Variants in DDX47 observed in about 807,000 individuals in gnomAD.
DDX47 encodes DEAD-box helicase 47.
DDX47 carries 60 observed loss-of-function variants against 58.8 expected under a neutral mutation model. The ratio of observed to expected loss-of-function variants is 1.02; its 90% CI spans 0.83 to 1.26. DDX47 has a LOEUF of 1.26. DDX47 is among the 50% of genes most tolerant of loss of function. DDX47 has a pLI of 0.00. For missense variants in DDX47, 530 were observed against 573.2 expected (o/e 0.92, Z 0.77); for synonymous variants, 197 against 204.6 (o/e 0.96, Z 0.32).
chr12:12,829,821 T>C lies in DDX47; in HGVS notation c.*267T>C. 3.7e-6 allele frequency: 1 copy of C among 270,024 alleles called. No homozygotes were observed. Among genetic ancestry groups the C allele is most frequent in the Non-Finnish European group, 6.9e-6 (1 of 145,292 alleles). 16.7% of individuals were successfully genotyped at this position (270,024 alleles called of 1,614,324 possible). On this transcript the variant is annotated 3_prime_UTR_variant, in exon 12 of 12. Coordinates refer to ENST00000358007, the MANE Select transcript of DDX47 (RefSeq NM_016355.4). ...GCTCTTCTGTCACTTCACACAGACC[T>C]TTTGCCTTTTTTAGCTGCAAGTCAA...
rs201398006 is a variant in DDX47 at position 12,822,731 on chromosome 12, A to C, written c.632A>C (p.Lys211Thr). Reference protein sequence around the residue: ...TFLFSATMTKKVQKLQRAALK... With the variant: ...TFLFSATMTKTVQKLQRAALK... The stretch of plus-strand genomic sequence containing the variant: ...CTCTTCTCTGCCACCATGACCAAGA[A>C]GGTGAAATTTGCTAGGACTTTTGTT... The change falls in exon 6 of 12, where the codon AAG becomes ACG. Residue 211 changes from lysine to threonine, a missense_variant and splice_region_variant. Lys to Thr is a moderately conservative substitution (Grantham distance 78). Coordinates refer to ENST00000358007, the MANE Select transcript of DDX47 (RefSeq NM_016355.4). 9.9e-6 allele frequency: 16 copies of C among 1,613,244 alleles called. No individual in the cohort carries two copies. Among genetic ancestry groups the C allele is most frequent in the Non-Finnish European group, 1.4e-5 (16 of 1,179,358 alleles).
chr12:12,827,102 A>G, intron 10 of DDX47, 144 bp from the exon 11 acceptor site: 1 of 1,066,974 alleles, frequency 9.4e-7, no homozygotes. Context: ...GATTGCACTT[A>G]ACCCATATTT....
At chr12:12,819,425 C>CGGGCATATATATA (rs1351569801) in intron 2 of DDX47, among the ~76,000 whole-genome samples, 1 of 151,492 alleles carries the variant, frequency 6.6e-6, no homozygotes, top group Non-Finnish European at 1.5e-5. Context: ...GGCATGGGAC[C>CGGGCATATATATA]GGGCATATAT....
chr12:12,827,911 T>C (rs540104837), intron 11 of DDX47, among the ~76,000 whole-genome samples: 32 of 146,288 alleles, frequency 2.2e-4, no homozygotes, highest in Admixed American at 5.0e-4. Context: ...AGTTTTGCTC[T>C]TGTTGCCCAG....
chr12:12,827,876 CTTT>C (rs58725534), intron 11 of DDX47, among the ~76,000 whole-genome samples: 1 of 132,770 alleles, frequency 7.5e-6, no homozygotes, highest in Non-Finnish European at 1.6e-5. Context: ...TTTCTTTTTT[CTTT>C]TTTTTTTTTT....
chr12:12,819,320 G>A (rs1054420123), intron 2 of DDX47, among the ~76,000 whole-genome samples: 5 of 148,994 alleles, frequency 3.4e-5, no homozygotes, highest in Non-Finnish European at 7.4e-5. Context: ...GCATCAGTGA[G>A]TCTGTATTCT....
rs1863000972 is a variant in DDX47, at chr12:12,823,307, C to T, written c.738C>T (p.Pro246=). Residue 246 remains proline (P), a synonymous_variant, in exon 7 of 12, where the codon CCC becomes CCT. Transcript: ENST00000358007. ...EKLQQYYIFI[P]SKFKDTYLVY... The stretch of plus-strand genomic sequence containing the variant: ...TACAGCAATATTATATTTTTATTCC[C>T]TCTAAATTCAAGGTAAAATGTTTAC... The T allele has an allele frequency of 2.6e-6, 4 of 1,561,682 alleles. No homozygotes were observed. The highest frequency in any genetic ancestry group is 3.5e-6 in the Non-Finnish European group (4 of 1,132,492).
intron 11 of DDX47, among the ~76,000 whole-genome samples, chr12:12,829,036 CTTG>C (rs1863093729): frequency 1.3e-5 from 2 of 152,170 alleles, no homozygotes; most frequent in Non-Finnish European, 2.9e-5. Flanking sequence ...TAGAAGTACA[CTTG>C]TTGGGCCAAG....
intron 8 of DDX47, 23 bp downstream of exon 8, chr12:12,824,039 AGCCATGCACTGG>A: frequency 6.2e-7 from 1 of 1,608,878 alleles, no homozygotes; most frequent in African/African-American, 1.3e-5. Context: ...CATCATCATC[AGCCATGCACTGG>A]TGGCGTGAGC....
chr12:12,817,905 C>G (rs997933967), intron 2 of DDX47, among the ~76,000 whole-genome samples: 1 of 152,128 alleles, frequency 6.6e-6, no homozygotes, highest in African/African-American at 2.4e-5. Flanking sequence ...GACTTCAGCT[C>G]CTTTACTTCC....
chr12:12,818,499 T>C (rs1301661499), intron 2 of DDX47, among the ~76,000 whole-genome samples: 1 of 151,428 alleles, frequency 6.6e-6, no homozygotes, highest in Non-Finnish European at 1.5e-5. Flanking sequence ...CCAGCCTGGG[T>C]GACAGAGCAA....
intron 2 of DDX47, chr12:12,814,519 CTT>C: frequency 3.2e-6 from 1 of 308,178 alleles, no homozygotes; most frequent in Non-Finnish European, 6.2e-6. Context: ...TGGGCGCACA[CTT>C]AGGGAAGGAT....
rs776606946 is a variant in DDX47, at chr12:12,822,668, A to G, written c.569A>G (p.Lys190Arg). 5.3e-5 allele frequency: 85 copies of G among 1,613,826 alleles called. No homozygotes were observed. The highest frequency in any genetic ancestry group is 6.7e-5 in the Non-Finnish European group (79 of 1,179,900). The part of the protein sequence containing the change: ...LNMDFETEVD[K>R]ILKVIPRDRK... Reference sequence around the variant, plus strand: ...TTCCTCTTTGTGCTTTAGGTTGACAAGATCCTCAAAGTGATTCCTCGAGAT... The same window carrying G: ...TTCCTCTTTGTGCTTTAGGTTGACAGGATCCTCAAAGTGATTCCTCGAGAT... Residue 190 changes from lysine (K) to arginine (R), a missense_variant, in exon 6 of 12, where the codon AAG (lysine) becomes AGG (arginine). Lys to Arg is a conservative substitution (Grantham distance 26, BLOSUM62 2). Transcript: ENST00000358007.
chr12:12,822,822 A>G, intron 6 of DDX47, 90 bp downstream of exon 6: 1 of 1,183,674 alleles, frequency 8.4e-7, no homozygotes, highest in Non-Finnish European at 1.2e-6. Context: ...AAATTGCTTT[A>G]GTCCGTTTTC....
intron 2 of DDX47, chr12:12,814,447 A>G (rs1194824513): frequency 4.3e-6 from 2 of 461,252 alleles, no homozygotes; most frequent in African/African-American, 3.9e-5. Context: ...GCTGACTTTA[A>G]GGAAGCCCTA....
intron 2 of DDX47, among the ~76,000 whole-genome samples, chr12:12,820,089 G>A (rs1862946847): frequency 6.6e-6 from 1 of 152,230 alleles, no homozygotes; most frequent in South Asian, 2.1e-4. Context: ...TTAATAGGGA[G>A]CATTCTCACT....
In DDX47 at chr12:12,821,999, T is replaced by C; in HGVS notation, c.477T>C (p.Asn159=). The change falls in exon 5 of 12, where the codon AAT becomes AAC. Residue 159 remains asparagine, a synonymous_variant. Coordinates refer to ENST00000358007, the MANE Select transcript of DDX47 (RefSeq NM_016355.4). ...GTCGACTGATTGACCACTTGGAAAA[T>C]ACGAAAGGTTTCAACTTGAGAGCTC... is the stretch of plus-strand genomic sequence containing the variant. The part of the protein sequence containing the change: ...TPGRLIDHLE[N]TKGFNLRALK... 6.2e-7 allele frequency: 1 copy of C among 1,613,910 alleles called. No homozygotes were observed. The highest frequency in any genetic ancestry group is 8.5e-7 in the Non-Finnish European group (1 of 1,179,918).
In DDX47 at chr12:12,829,408, C is replaced by CTTT; in HGVS notation, c.1237-10_1237-8dup. ...TAATTCATTTTCAATCCCATCCTCT[C>CTTT]TTTTTTTCTTGCAGGAGTTAAGGGA... On this transcript the variant is annotated splice_polypyrimidine_tract_variant and intron_variant, in intron 11 of 11. Coordinates refer to ENST00000358007, the MANE Select transcript of DDX47 (RefSeq NM_016355.4). 6.3e-7 allele frequency: 1 copy of CTTT among 1,599,078 alleles called. No homozygotes were observed. Among genetic ancestry groups the CTTT allele is most frequent in the Non-Finnish European group, 8.5e-7 (1 of 1,174,886 alleles).
chr12:12,828,077 C>T (rs182500118), intron 11 of DDX47, among the ~76,000 whole-genome samples: 4 of 151,806 alleles, frequency 2.6e-5, no homozygotes, highest in East Asian at 3.9e-4. Context: ...TTTGGTCAGG[C>T]GAACTTCTGA....
Sources: allele counts gnomAD v4.1 joint callset (sites outside exome capture counted in the v4.1 genomes callset), GRCh38; gene constraint gnomAD v4.1.1; transcripts MANE v1.5; gene names NCBI Gene and HGNC (gene_info 2026-07-23, HGNC 2026-07-21).